Variants in ASTN2 observed in about 807,000 individuals in gnomAD.
The protein encoded by ASTN2 is astrotactin-2.
A neutral mutation model predicts 139.8 loss-of-function variants in ASTN2; 54 were observed. The ratio of observed to expected loss-of-function variants is 0.39; its 90% CI spans 0.31 to 0.48. The LOEUF (loss-of-function observed/expected upper bound fraction) is 0.48. Ranked by LOEUF, ASTN2 falls within the 20% of genes least tolerant of loss-of-function variation. ASTN2 has a pLI of 0.95. For missense variants in ASTN2, 1,565 were observed against 1,725.1 expected, an observed-to-expected ratio of 0.91 and a Z score of 1.64; for synonymous variants, 756 against 719.5, an observed-to-expected ratio of 1.05 and a Z score of -0.81.
At chr9:116,582,808 C>T (rs1854003755) in intron 19 of ASTN2, 1 of 152,206 alleles carries the variant, frequency 6.6e-6, no homozygotes, top group Non-Finnish European at 1.5e-5. Context: ...TGTTTACGAT[C>T]CTCAAAAGGC....
intron 11 of ASTN2, among the ~76,000 whole-genome samples, chr9:116,841,910 T>C (rs1451167162): frequency 6.6e-6 from 1 of 152,192 alleles, no homozygotes; most frequent in African/African-American, 2.4e-5. Flanking sequence ...ATTTCTTCCA[T>C]GCCTACTTTT....
At chr9:116,430,690 G>A (rs1430013983) in intron 22 of ASTN2, among the ~76,000 whole-genome samples, 1 of 152,172 alleles carries the variant, frequency 6.6e-6, no homozygotes, top group Non-Finnish European at 1.5e-5. Flanking sequence ...TGAAATGATG[G>A]CTACAAGCAA....
At chr9:117,250,386 T>C (rs542968192) in intron 2 of ASTN2, among the ~76,000 whole-genome samples, 4 of 152,366 alleles carry the variant, frequency 2.6e-5, no homozygotes, top group South Asian at 4.1e-4. Context: ...AGTTTATACA[T>C]GTAAGGAATG....
chr9:117,077,173 C>A (rs1415274089), intron 5 of ASTN2, among the ~76,000 whole-genome samples: 1 of 152,044 alleles, frequency 6.6e-6, no homozygotes, highest in East Asian at 1.9e-4. Context: ...TCAATATGAA[C>A]CAGGCTTGGG....
intron 10 of ASTN2, among the ~76,000 whole-genome samples, chr9:116,906,943 C>T (rs1834177256): frequency 6.6e-6 from 1 of 152,028 alleles, no homozygotes; most frequent in Non-Finnish European, 1.5e-5. Flanking sequence ...AGCTCATTTC[C>T]CTGTGTAGTA....
intron 20 of ASTN2, among the ~76,000 whole-genome samples, chr9:116,464,083 G>A (rs756320592): frequency 7.2e-5 from 11 of 151,920 alleles, no homozygotes; most frequent in Non-Finnish European, 1.3e-4. Context: ...CTGACACATA[G>A]CAGAGGAGTA....
rs150586381 is a variant in ASTN2 at position 116,698,760 on chromosome 9, C to A, written c.2806+27011G>T. 1.9e-6 allele frequency: 3 copies of A among 1,614,054 alleles called. No individual in the cohort carries two copies. The African/African-American group carries it at 4.0e-5, about 22-fold the overall frequency. On this transcript the variant is annotated intron_variant, in intron 16 of 22. Coordinates refer to ENST00000313400, the MANE Select transcript of ASTN2 (RefSeq NM_001365068.1). This position sits in a 1 kb window ranked among gnomAD's most constrained non-coding sequence, Gnocchi z 4.4. Reference sequence around the variant, plus strand: ...AGTGGTTGCCAGCCCTAGGGCCTCACCTGCTAAACAGCGGGGTCCTGAGGC... The same window carrying A: ...AGTGGTTGCCAGCCCTAGGGCCTCAACTGCTAAACAGCGGGGTCCTGAGGC...
At chr9:117,251,141 GAA>G (rs1833526354) in intron 2 of ASTN2, among the ~76,000 whole-genome samples, 1 of 152,164 alleles carries the variant, frequency 6.6e-6, no homozygotes, top group South Asian at 2.1e-4. Context: ...CCACAGAGAT[GAA>G]GTTACTTGCT....
At chr9:117,083,703 A>C (rs892063182) in intron 5 of ASTN2, among the ~76,000 whole-genome samples, 9 of 152,156 alleles carry the variant, frequency 5.9e-5, no homozygotes, top group African/African-American at 2.2e-4. Flanking sequence ...CTAGTTGAAA[A>C]ACAAGAAAGC....
At chr9:116,630,906 T>C (rs996115177) in intron 17 of ASTN2, among the ~76,000 whole-genome samples, 5 of 151,854 alleles carry the variant, frequency 3.3e-5, no homozygotes, top group Non-Finnish European at 1.5e-5. Context: ...GAGAGCTGAA[T>C]AGACAGTCCT....
chr9:117,143,334 A>G (rs1048612431), intron 3 of ASTN2, among the ~76,000 whole-genome samples: 2 of 152,206 alleles, frequency 1.3e-5, no homozygotes, highest in African/African-American at 2.4e-5. Context: ...TCCTTCAGCT[A>G]TAGCCTGCAG....
At chr9:116,927,283 T>C (rs931540987) in intron 10 of ASTN2, among the ~76,000 whole-genome samples, 1 of 152,174 alleles carries the variant, frequency 6.6e-6, no homozygotes, top group Non-Finnish European at 1.5e-5. Flanking sequence ...GACTGGTTTC[T>C]ACTGTTAAAG....
At chr9:116,645,923 A>G (rs62576686) in intron 17 of ASTN2, among the ~76,000 whole-genome samples, 17,746 of 152,270 alleles carry the variant, frequency 0.12, 1,183 homozygotes, top group Middle Eastern at 0.19. Context: ...AAGGAAACAT[A>G]GAAAAAGAAA....
rs139645576 is a variant in ASTN2, at chr9:116,929,715, C to T, written c.1889+45493G>A. On this transcript the variant is annotated intron_variant, in intron 10 of 22. Coordinates refer to ENST00000313400, the MANE Select transcript of ASTN2 (RefSeq NM_001365068.1). Reference sequence around the variant, plus strand: ...AGACAGCTGCTAAAAATGGTTATTGCATTATTAATTCGCTCCAGCAATTTC... The same window carrying T: ...AGACAGCTGCTAAAAATGGTTATTGTATTATTAATTCGCTCCAGCAATTTC... 1.3e-3 allele frequency among the ~76,000 whole-genome samples: 191 copies of T among 152,280 alleles called. 2 individuals carry two copies. Among genetic ancestry groups the T allele is most frequent in the Middle Eastern group, 0.01 (3 of 294 alleles).
intron 16 of ASTN2, among the ~76,000 whole-genome samples, chr9:116,705,462 C>T (rs1588227061): frequency 6.6e-6 from 1 of 152,130 alleles, no homozygotes; most frequent in Admixed American, 6.6e-5. Context: ...AAGTCAAATG[C>T]ATGTTTTCCC....
At chr9:116,959,486 T>A (rs1174351285) in intron 10 of ASTN2, among the ~76,000 whole-genome samples, 1 of 152,018 alleles carries the variant, frequency 6.6e-6, no homozygotes, top group Non-Finnish European at 1.5e-5. Flanking sequence ...AAGTTTGCGG[T>A]TTAGATGAAT....
At chr9:117,139,065 T>C (rs1026306081) in intron 4 of ASTN2, among the ~76,000 whole-genome samples, 2 of 152,172 alleles carry the variant, frequency 1.3e-5, no homozygotes, top group African/African-American at 2.4e-5. Flanking sequence ...GGAAAGGCTA[T>C]AGACTTGGAG....
chr9:116,533,828 T>C (rs1462076040), intron 19 of ASTN2, among the ~76,000 whole-genome samples: 1 of 152,178 alleles, frequency 6.6e-6, no homozygotes, highest in Non-Finnish European at 1.5e-5. Flanking sequence ...TTCTCTTTTT[T>C]TGTTGTGTCT....
intron 10 of ASTN2, among the ~76,000 whole-genome samples, chr9:116,878,487 G>T (rs964911540): frequency 2.0e-5 from 3 of 152,122 alleles, no homozygotes; most frequent in African/African-American, 4.8e-5. Context: ...ACTTATAAAT[G>T]GGAGCTGAAC....
Sources: gnomAD v4.1 joint callset for allele counts (sites outside exome capture counted in the v4.1 genomes callset) on GRCh38, gnomAD v4.1.1 for gene constraint, Gnocchi (gnomAD v3.1) non-coding constraint, MANE v1.5 for transcripts, NCBI Gene and HGNC (gene_info 2026-07-23, HGNC 2026-07-21) for gene names.